The following ZFYVE1 variants were observed in gnomAD, a reference collection of about 807,000 sequenced individuals.
ZFYVE1 encodes the protein zinc finger FYVE-type containing 1.
Under a neutral mutation model 74.4 loss-of-function variants are expected in ZFYVE1, and 30 were observed. The ratio of observed to expected loss-of-function variants is 0.40; its 90% CI spans 0.30 to 0.55. The LOEUF (loss-of-function observed/expected upper bound fraction) is 0.55. Among genes scored for constraint, ZFYVE1 ranks in the 20% least tolerant of loss-of-function variants. The probability of loss-of-function intolerance (pLI) is 0.42; values close to 1 mark genes in which losing one functional copy is unlikely to be tolerated. For synonymous variants in ZFYVE1, 335 were observed against 385.1 expected (o/e 0.87, Z 1.52); for missense variants, 703 against 1,011.6 (o/e 0.69, Z 4.14).
chr14:73,022,190 C>T (rs1314610039), intron 2 of ZFYVE1, among the ~76,000 whole-genome samples: 3 of 152,200 alleles, frequency 2.0e-5, no homozygotes, highest in African/African-American at 7.2e-5. Flanking sequence ...GGAATGGGAT[C>T]TAGGTCACTC....
In ZFYVE1 at chr14:72,978,949, A is replaced by G; in HGVS notation, c.1331T>C (p.Met444Thr). The G allele has an allele frequency of 6.2e-7, 1 of 1,613,842 alleles. No individual in the cohort carries two copies. The highest frequency in any genetic ancestry group is 8.5e-7 in the Non-Finnish European group (1 of 1,179,834). Residue 444 changes from methionine (M) to threonine (T), a missense_variant, in exon 6 of 12, where the codon ATG becomes ACG. Met to Thr is a moderately conservative substitution (Grantham distance 81). Coordinates refer to ENST00000556143, the MANE Select transcript of ZFYVE1 (RefSeq NM_021260.4). ...AGGCACTCCTTCCTTCCCATGATTC[A>G]TGCTTTTCTTACATCCAACCCTGAA... ...LSCGVGCKKSMNHGKEGVPHE... is the reference protein window; with the variant it reads ...LSCGVGCKKSTNHGKEGVPHE...
intron 2 of ZFYVE1, 29 bp downstream of exon 2, chr14:73,023,997 C>G: frequency 6.2e-7 from 1 of 1,602,784 alleles, no homozygotes; most frequent in Non-Finnish European, 8.5e-7. Context: ...CTCCACTACA[C>G]ATGAATCCCA....
At chr14:72,981,052 G>A (rs1893317430) in intron 5 of ZFYVE1, among the ~76,000 whole-genome samples, 2 of 152,318 alleles carry the variant, frequency 1.3e-5, no homozygotes, top group South Asian at 4.1e-4. Context: ...CCGGGAGCTT[G>A]ACAGAAATGC....
intron 1 of ZFYVE1, among the ~76,000 whole-genome samples, chr14:73,026,038 A>T (rs7146246): frequency 6.6e-6 from 1 of 151,902 alleles, no homozygotes; most frequent in Non-Finnish European, 1.5e-5. Flanking sequence ...CTAGATGTAT[A>T]TTAAAGACTC....
In ZFYVE1 at chr14:72,969,764, G is replaced by A. The variant is rs1348020470; in HGVS notation, c.*1118C>T. On this transcript the variant is annotated 3_prime_UTR_variant, in exon 12 of 12. Coordinates refer to ENST00000556143, the MANE Select transcript of ZFYVE1 (RefSeq NM_021260.4). ...CAGACAGAGATGTCCAGGCTCTTGA[G>A]GAGAAACAAAAGTTCCTTTGACTTC... is the stretch of plus-strand genomic sequence containing the variant. 1.4e-6 allele frequency: 1 copy of A among 702,132 alleles called. No homozygotes were observed. Among genetic ancestry groups the A allele is most frequent in the Non-Finnish European group, 2.6e-6 (1 of 384,726 alleles). 43.5% of individuals were successfully genotyped at this position (702,132 alleles called of 1,614,324 possible).
At chr14:73,013,454 A>G (rs1267972595) in intron 2 of ZFYVE1, among the ~76,000 whole-genome samples, 7 of 152,084 alleles carry the variant, frequency 4.6e-5, no homozygotes, top group African/African-American at 1.7e-4. Flanking sequence ...CTAAAAATGC[A>G]AAAATTAGCC....
intron 2 of ZFYVE1, among the ~76,000 whole-genome samples, chr14:73,019,927 G>C (rs1005593050): frequency 6.6e-6 from 1 of 151,318 alleles, no homozygotes; most frequent in Non-Finnish European, 1.5e-5. Context: ...CTCCAGCCGG[G>C]GCAACAGAGT....
chr14:72,973,441 A>G (rs1188315393), intron 11 of ZFYVE1, among the ~76,000 whole-genome samples: 1 of 152,022 alleles, frequency 6.6e-6, no homozygotes, highest in African/African-American at 2.4e-5. Context: ...GTGAGCCAAG[A>G]TCGCACCACT....
In ZFYVE1 at chr14:72,974,212, G is replaced by A; in HGVS notation, c.1988-19C>T. 6.2e-7 allele frequency: 1 copy of A among 1,608,880 alleles called. No homozygotes were observed. The highest frequency in any genetic ancestry group is 8.5e-7 in the Non-Finnish European group (1 of 1,175,268). On this transcript the variant is annotated intron_variant, in intron 10 of 11. Transcript: ENST00000556143. Reference sequence around the variant, plus strand: ...GTAACAGCTGTAGACAGTAATAAAGGAAATGCTGTCACCTCTAAGTCCTCT... The same window carrying A: ...GTAACAGCTGTAGACAGTAATAAAGAAAATGCTGTCACCTCTAAGTCCTCT...
chr14:72,990,755 T>C (rs1433207823), intron 4 of ZFYVE1, among the ~76,000 whole-genome samples: 1 of 126,134 alleles, frequency 7.9e-6, no homozygotes, highest in African/African-American at 3.0e-5. Context: ...TAGAGTACAG[T>C]GGCGCACTGT....
At chr14:72,976,331 T>C (rs1893168718) in intron 8 of ZFYVE1, among the ~76,000 whole-genome samples, 1 of 152,160 alleles carries the variant, frequency 6.6e-6, no homozygotes, top group South Asian at 2.1e-4. Flanking sequence ...TCCTGGAACA[T>C]AAACTATCTT....
chr14:72,972,955 T>C (rs1168578041), intron 11 of ZFYVE1, among the ~76,000 whole-genome samples: 3 of 152,024 alleles, frequency 2.0e-5, no homozygotes, highest in Non-Finnish European at 2.9e-5. Flanking sequence ...TCCACCTGCC[T>C]TGGCCTCCCA....
chr14:72,975,451 TGTTTGC>T lies in ZFYVE1; in HGVS notation c.1806+94_1806+99del. ...CAGAGCTCACTGCACTGGCAGAAAA[TGTTTGC>T]GTCTCCCTCACAGAACAAGCTTAGC... is the stretch of plus-strand genomic sequence containing the variant. On this transcript the variant is annotated intron_variant, in intron 9 of 11. Coordinates refer to ENST00000556143, the MANE Select transcript of ZFYVE1 (RefSeq NM_021260.4). This position sits in a 1 kb window ranked among gnomAD's most constrained non-coding sequence, Gnocchi z 4.1. The T allele has an allele frequency of 1.4e-6, 2 of 1,443,984 alleles. No individual in the cohort carries two copies. 89.4% of individuals were successfully genotyped at this position (1,443,984 alleles called of 1,614,324 possible).
intron 2 of ZFYVE1, among the ~76,000 whole-genome samples, chr14:73,023,194 T>G (rs1188762561): frequency 7.3e-6 from 1 of 136,802 alleles, no homozygotes; most frequent in Admixed American, 8.2e-5. Flanking sequence ...ATATATATAT[T>G]TTATATATGT....
intron 2 of ZFYVE1, among the ~76,000 whole-genome samples, chr14:73,007,232 A>G (rs1410118790): frequency 6.6e-6 from 1 of 152,190 alleles, no homozygotes; most frequent in African/African-American, 2.4e-5. Context: ...CTTGGAAGGA[A>G]GGAAGTTCAA....
intron 2 of ZFYVE1, among the ~76,000 whole-genome samples, chr14:73,020,245 G>A (rs1594867618): frequency 1.7e-5 from 2 of 115,542 alleles, no homozygotes; most frequent in South Asian, 3.3e-4. Context: ...GGGTGACAGA[G>A]TGAGACTCCA....
In ZFYVE1 at chr14:72,993,175, G is replaced by A. The variant is rs765009506; in HGVS notation, c.1171C>T (p.Arg391Trp). ...LLENNTTRSP[R>W]HPGVIFKALK... is the part of the protein sequence containing the mutation. ...GCTTTGAAGATGACTCCCGGGTGCC[G>A]GGGAGAACGGGTGGTGTTATTCTCT... Residue 391 changes from arginine (R) to tryptophan (W), a missense_variant, in exon 4 of 12, where the codon CGG becomes TGG. Arg to Trp is a moderately radical substitution (Grantham distance 101, BLOSUM62 -3). Transcript: ENST00000556143. 9 of 1,611,720 alleles carry A rather than the reference G, an allele frequency of 5.6e-6. No homozygotes were observed. The highest frequency in any genetic ancestry group is 1.7e-5 in the Admixed American group (1 of 59,898).
intron 4 of ZFYVE1, among the ~76,000 whole-genome samples, chr14:72,992,788 A>G (rs1017293570): frequency 6.6e-6 from 1 of 152,138 alleles, no homozygotes; most frequent in East Asian, 1.9e-4. Flanking sequence ...TTTAAATAAG[A>G]AAAAAACAGT....
At chr14:72,983,815 AAGTGTTCCT>A (rs974028419) in intron 4 of ZFYVE1, among the ~76,000 whole-genome samples, 3 of 152,142 alleles carry the variant, frequency 2.0e-5, no homozygotes, top group Non-Finnish European at 4.4e-5. Context: ...AACAGTGTAA[AAGTGTTCCT>A]ATTTCTCCAC....
Sources: allele counts gnomAD v4.1 joint callset (sites outside exome capture counted in the v4.1 genomes callset), GRCh38; gene constraint gnomAD v4.1.1; non-coding constraint Gnocchi (gnomAD v3.1); transcripts MANE v1.5; gene names NCBI Gene and HGNC (gene_info 2026-07-23, HGNC 2026-07-21).